Variants in PRKCH observed in about 807,000 individuals in gnomAD.
PRKCH encodes protein kinase C eta.
In PRKCH, 28 loss-of-function variants were observed where a neutral mutation model predicts 82.5. The ratio of observed to expected loss-of-function variants is 0.34; its 90% CI spans 0.25 to 0.47. PRKCH has a LOEUF of 0.47. PRKCH is among the 20% of genes least tolerant of loss of function. PRKCH has a pLI of 1.00. For synonymous variants in PRKCH, 322 were observed against 327.4 expected, an observed-to-expected ratio of 0.98 and a Z score of 0.18; for missense variants, 705 against 881.8, an observed-to-expected ratio of 0.80 and a Z score of 2.54.
intron 1 of PRKCH, among the ~76,000 whole-genome samples, chr14:61,300,977 C>T (rs925822578): frequency 6.6e-6 from 1 of 152,086 alleles, no homozygotes; most frequent in Non-Finnish European, 1.5e-5. Context: ...GATCTTTGGG[C>T]CCTATGTAAA....
At chr14:61,232,715 C>T (rs1192457404) in intron 1 of PRKCH, among the ~76,000 whole-genome samples, 2 of 152,146 alleles carry the variant, frequency 1.3e-5, no homozygotes, top group Non-Finnish European at 2.9e-5. Flanking sequence ...CTGAAAGCTT[C>T]ATTACATAGG....
chr14:61,244,340 G>A (rs2044863648), intron 1 of PRKCH, among the ~76,000 whole-genome samples: 2 of 152,174 alleles, frequency 1.3e-5, no homozygotes, highest in South Asian at 4.1e-4. Flanking sequence ...TGTAGTTCAA[G>A]CTTAAGTGAT....
At chr14:61,472,158 A>G (rs1367823796) in intron 9 of PRKCH, among the ~76,000 whole-genome samples, 1 of 152,182 alleles carries the variant, frequency 6.6e-6, no homozygotes, top group Non-Finnish European at 1.5e-5. Context: ...AGCTCTCAAC[A>G]GTGAAGCCTG....
chr14:61,233,026 A>G (rs1021955492), intron 1 of PRKCH, among the ~76,000 whole-genome samples: 1 of 152,224 alleles, frequency 6.6e-6, no homozygotes, highest in Non-Finnish European at 1.5e-5. Context: ...GATCTCTTAC[A>G]TCAAAAGGAT....
At chr14:61,201,350 G>A (rs1236296757) in intron 1 of PRKCH, among the ~76,000 whole-genome samples, 2 of 152,054 alleles carry the variant, frequency 1.3e-5, no homozygotes, top group Non-Finnish European at 2.9e-5. Context: ...CAAGTCACAC[G>A]GCTCTTCAGT....
intron 2 of PRKCH, among the ~76,000 whole-genome samples, chr14:61,415,779 C>A (rs996128392): frequency 6.6e-6 from 1 of 152,198 alleles, no homozygotes; most frequent in Non-Finnish European, 1.5e-5. Flanking sequence ...CACCATCCAT[C>A]TCCAGAATTC....
intron 1 of PRKCH, among the ~76,000 whole-genome samples, chr14:61,342,206 T>C (rs2045937722): frequency 6.6e-6 from 1 of 151,760 alleles, no homozygotes; most frequent in African/African-American, 2.4e-5. Context: ...GGAGCGCCCT[T>C]TTAAAGCCTC....
chr14:61,379,752 G>C (rs942893023), intron 1 of PRKCH, among the ~76,000 whole-genome samples: 1 of 152,130 alleles, frequency 6.6e-6, no homozygotes, highest in African/African-American at 2.4e-5. Flanking sequence ...GAGGCTGCAG[G>C]GAGTATATTC....
intron 1 of PRKCH, among the ~76,000 whole-genome samples, chr14:61,210,713 T>A (rs1163406222): frequency 2.0e-5 from 3 of 151,922 alleles, no homozygotes; most frequent in Admixed American, 1.3e-4. Flanking sequence ...AATAAATGTA[T>A]AGGGGTCCCA....
rs189621998 is a variant in PRKCH at position 61,332,521 on chromosome 14, G to A, written c.363+10057G>A. ...TTGCGTATAAGTTTTACCCTTGCAC[G>A]CCTTTGACCTCACAGGGAGATAAAT... is the stretch of plus-strand genomic sequence containing the variant. On this transcript the variant is annotated intron_variant, in intron 1 of 13. Transcript: ENST00000332981. Among the ~76,000 whole-genome samples the A allele has an allele frequency of 5.3e-5, 8 of 152,294 alleles. No individual in the cohort carries two copies. The East Asian group carries it at 1.5e-3, about 29-fold the overall frequency.
At chr14:61,366,026 T>A (rs1161244678) in intron 1 of PRKCH, among the ~76,000 whole-genome samples, 1 of 152,046 alleles carries the variant, frequency 6.6e-6, no homozygotes, top group Non-Finnish European at 1.5e-5. Flanking sequence ...GTTCTACCAC[T>A]TATGCCTTAC....
chr14:61,367,938 C>A (rs1179152600), intron 1 of PRKCH, among the ~76,000 whole-genome samples: 1 of 151,726 alleles, frequency 6.6e-6, no homozygotes, highest in African/African-American at 2.4e-5. Flanking sequence ...ATGGTCTCGA[C>A]CTCCTGACCT....
intron 1 of PRKCH, among the ~76,000 whole-genome samples, chr14:61,309,075 G>A (rs202168835): frequency 1.7e-4 from 14 of 84,630 alleles, no homozygotes; most frequent in East Asian, 7.9e-4. Flanking sequence ...CTTAATATCT[G>A]GAGTTCAAGA....
chr14:61,211,030 G>A (rs138603416), intron 1 of PRKCH, among the ~76,000 whole-genome samples: 1,915 of 152,300 alleles, frequency 0.013, 39 homozygotes, highest in South Asian at 0.062. Flanking sequence ...AGCTGAACAT[G>A]GAGGAAGGCA....
chr14:61,194,950 T>TC (rs958264793), intron 1 of PRKCH, among the ~76,000 whole-genome samples: 27 of 152,194 alleles, frequency 1.8e-4, no homozygotes, highest in African/African-American at 6.5e-4. Flanking sequence ...GCCAGGCTGG[T>TC]CTCGAACTCC....
At chr14:61,457,798 G>GGGGATGGGCTCC in intron 9 of PRKCH, 119 bp downstream of exon 9, 2 of 1,375,000 alleles carry the variant, frequency 1.5e-6, no homozygotes, top group Admixed American at 4.0e-5. Flanking sequence ...GGCTCCCAAG[G>GGGGATGGGCTCC]CAGGGTCATA....
chr14:61,406,791 G>A (rs1426845966), intron 2 of PRKCH, among the ~76,000 whole-genome samples: 1 of 152,098 alleles, frequency 6.6e-6, no homozygotes, highest in Non-Finnish European at 1.5e-5. Context: ...GACTTTCTCA[G>A]CATTGTGCCG....
At chr14:61,236,613 C>T (rs2140062973) in intron 1 of PRKCH, among the ~76,000 whole-genome samples, 2 of 144,804 alleles carry the variant, frequency 1.4e-5, no homozygotes, top group Non-Finnish European at 3.0e-5. Flanking sequence ...GAGGCTGAGG[C>T]AGAGAACTGC....
At chr14:61,244,065 C>G (rs1566792434) in intron 1 of PRKCH, among the ~76,000 whole-genome samples, 1 of 152,038 alleles carries the variant, frequency 6.6e-6, no homozygotes, top group Non-Finnish European at 1.5e-5. Context: ...GGCAACGGAG[C>G]ATGCTGGAAA....
Sources: allele counts gnomAD v4.1 joint callset (sites outside exome capture counted in the v4.1 genomes callset), GRCh38; gene constraint gnomAD v4.1.1; transcripts MANE v1.5; gene names NCBI Gene and HGNC (gene_info 2026-07-23, HGNC 2026-07-21).